Variants in TACC2 observed in about 807,000 individuals in gnomAD.
The protein encoded by TACC2 is transforming acidic coiled-coil-containing protein 2.
In TACC2, 137 loss-of-function variants were observed where a neutral mutation model predicts 227.3. The ratio of observed to expected loss-of-function variants is 0.60; its 90% CI spans 0.52 to 0.69. The LOEUF (loss-of-function observed/expected upper bound fraction) is 0.69, where lower values mean the gene tolerates loss of function less well. Among genes scored for constraint, TACC2 ranks in the 30% least tolerant of loss-of-function variants. TACC2 has a pLI of 0.00. For synonymous variants in TACC2, 1,523 were observed against 1,487.5 expected, an observed-to-expected ratio of 1.02 and a Z score of -0.55; for missense variants, 3,470 against 3,694.4, an observed-to-expected ratio of 0.94 and a Z score of 1.57.
chr10:122,070,753 C>CAA lies in TACC2; in HGVS notation c.147-11877_147-11876dup, dbSNP rs367744186. On this transcript the variant is annotated intron_variant, in intron 3 of 22. Coordinates refer to ENST00000369005, the MANE Select transcript of TACC2 (RefSeq NM_206862.4). ...GGGCAAGAAGAGCAAAATTCCGTCTCAAAAAAAAAAAAAAAAAAGAAATTA... is the reference window on the plus strand; with the variant it reads ...GGGCAAGAAGAGCAAAATTCCGTCTCAAAAAAAAAAAAAAAAAAAAGAAATTA... 3.7e-3 allele frequency among the ~76,000 whole-genome samples: 372 copies of CAA among 99,532 alleles called. 6 individuals carry two copies. Among genetic ancestry groups the CAA allele is most frequent in the South Asian group, 9.1e-3 (25 of 2,754 alleles). 65.3% of individuals were successfully genotyped at this position (99,532 alleles called of 152,430 possible).
chr10:121,990,596 C>T (rs1239197300), intron 1 of TACC2, among the ~76,000 whole-genome samples: 4 of 152,086 alleles, frequency 2.6e-5, no homozygotes, highest in Non-Finnish European at 4.4e-5. Flanking sequence ...CCAGGGTCTG[C>T]AGAGTCTTGT....
Position 122,194,935 on chromosome 10 carries a change from G to A in TACC2, c.5835-105G>A. On this transcript the variant is annotated intron_variant, in intron 7 of 22. Transcript: ENST00000369005. This position sits in a 1 kb window ranked among gnomAD's most constrained non-coding sequence, Gnocchi z 4.4. The stretch of plus-strand genomic sequence containing the variant: ...TCATCTGTCCCTGCACAGTTTAACT[G>A]AGCAGCGAGCCAGAACCCACTGGCT... The A allele has an allele frequency of 1.7e-6, 2 of 1,188,844 alleles. No homozygotes were observed. The highest frequency in any genetic ancestry group is 1.2e-6 in the Non-Finnish European group (1 of 835,470). The allele number at this position is 1,188,844 out of a possible 1,614,324, so 73.6% of individuals were successfully genotyped here.
chr10:122,005,382 CTT>C (rs1250192833), intron 1 of TACC2, among the ~76,000 whole-genome samples: 10 of 119,182 alleles, frequency 8.4e-5, no homozygotes, highest in Non-Finnish European at 1.2e-4. Context: ...CCACGCCCAG[CTT>C]TTTTTTTTTT....
At chr10:122,246,153 G>A (rs2096113363) in intron 19 of TACC2, among the ~76,000 whole-genome samples, 1 of 152,212 alleles carries the variant, frequency 6.6e-6, no homozygotes, top group South Asian at 2.1e-4. Flanking sequence ...TGTGACCTGT[G>A]CACGTTCTCT....
chr10:122,057,887 C>T (rs1340745050), intron 3 of TACC2, among the ~76,000 whole-genome samples: 1 of 152,130 alleles, frequency 6.6e-6, no homozygotes, highest in Non-Finnish European at 1.5e-5. Context: ...AGACAACCTT[C>T]CCGTACCTGC....
chr10:122,154,062 C>G (rs902074287), intron 7 of TACC2, among the ~76,000 whole-genome samples: 1 of 152,212 alleles, frequency 6.6e-6, no homozygotes, highest in Non-Finnish European at 1.5e-5. Flanking sequence ...TGGAAGGGCT[C>G]GTCCTAGGGA....
chr10:122,097,800 G>A (rs1469021554), intron 5 of TACC2, among the ~76,000 whole-genome samples: 2 of 152,084 alleles, frequency 1.3e-5, no homozygotes, highest in Non-Finnish European at 2.9e-5. Flanking sequence ...CGGCACACCC[G>A]ACACAAAGTC....
At chr10:122,124,063 C>T (rs566872863) in intron 5 of TACC2, among the ~76,000 whole-genome samples, 12 of 152,258 alleles carry the variant, frequency 7.9e-5, no homozygotes, top group Admixed American at 2.0e-4. Context: ...CTGCCCGCCA[C>T]GGCCTCCCAA....
chr10:122,156,499 C>G (rs965404144), intron 7 of TACC2, among the ~76,000 whole-genome samples: 2 of 152,220 alleles, frequency 1.3e-5, no homozygotes, highest in Non-Finnish European at 2.9e-5. Flanking sequence ...GCTGGGATTA[C>G]AGGCATGAGC....
chr10:122,243,155 G>A (rs1589902330), intron 19 of TACC2, among the ~76,000 whole-genome samples: 1 of 152,180 alleles, frequency 6.6e-6, no homozygotes, highest in East Asian at 1.9e-4. Context: ...TGTTGGCCAG[G>A]CTGATGTTGA....
At chr10:122,066,731 T>A (rs1174315708) in intron 3 of TACC2, among the ~76,000 whole-genome samples, 4 of 152,224 alleles carry the variant, frequency 2.6e-5, no homozygotes, top group Admixed American at 6.5e-5. Flanking sequence ...AACTGGAGTG[T>A]TTATAACATT....
At chr10:122,107,426 TA>T (rs1203072749) in intron 5 of TACC2, among the ~76,000 whole-genome samples, 4 of 151,928 alleles carry the variant, frequency 2.6e-5, no homozygotes, top group Non-Finnish European at 5.9e-5. Context: ...CCGTCTCTAC[TA>T]AAAATACAAA....
Position 122,211,293 on chromosome 10 carries a change from G to A in TACC2, c.6868G>A (p.Gly2290Ser), listed in dbSNP as rs1478746956. ...QENPPPTKKIGKKPVAKMPLR... is the reference protein window; with the variant it reads ...QENPPPTKKISKKPVAKMPLR... The stretch of plus-strand genomic sequence containing the variant: ...AAACCCCCCTCCTACCAAAAAGATA[G>A]GCAAAAAGCCAGTTGCCAAAATGCC... Residue 2290 changes from glycine (G) to serine (S), a missense_variant, in exon 9 of 23, where the codon GGC (glycine) becomes AGC (serine). Coordinates refer to ENST00000369005, the MANE Select transcript of TACC2 (RefSeq NM_206862.4). The A allele has an allele frequency of 1.9e-6, 3 of 1,613,976 alleles. No homozygotes were observed. Among genetic ancestry groups the A allele is most frequent in the Non-Finnish European group, 1.7e-6 (2 of 1,179,976 alleles).
chr10:122,155,127 A>G (rs2092377277), intron 7 of TACC2, among the ~76,000 whole-genome samples: 2 of 152,100 alleles, frequency 1.3e-5, no homozygotes, highest in Non-Finnish European at 2.9e-5. Flanking sequence ...GAAGTTCTGC[A>G]TTTGCTTTCT....
chr10:122,044,142 C>T (rs943644481), intron 2 of TACC2, among the ~76,000 whole-genome samples: 6 of 152,198 alleles, frequency 3.9e-5, no homozygotes, highest in South Asian at 4.1e-4. Context: ...TCTCGGGCTT[C>T]GAAGCTTATT....
chr10:122,215,708 C>T lies in TACC2; in HGVS notation c.7344+257C>T, dbSNP rs73357648. On this transcript the variant is annotated intron_variant, in intron 10 of 22. Transcript: ENST00000369005. ...TGGGCTCTGGAGGACCCACTCTGCTCCATTCAGGCCAGTTCATCTGCTGTG... is the reference window on the plus strand; with the variant it reads ...TGGGCTCTGGAGGACCCACTCTGCTTCATTCAGGCCAGTTCATCTGCTGTG... Among the ~76,000 whole-genome samples the T allele has an allele frequency of 6.6e-3, 1,009 of 152,268 alleles. 8 individuals are homozygous for T. The highest frequency in any genetic ancestry group is 0.022 in the African/African-American group (902 of 41,562).
At chr10:122,144,041 T>C (rs7902292) in intron 7 of TACC2, among the ~76,000 whole-genome samples, 101,723 of 152,042 alleles carry the variant, frequency 0.67, 36,808 homozygotes, top group Non-Finnish European at 0.81. Flanking sequence ...GGATTTATTT[T>C]AAGGGATTGG....
chr10:122,203,106 A>C (rs1593286348), intron 8 of TACC2, among the ~76,000 whole-genome samples: 1 of 152,068 alleles, frequency 6.6e-6, no homozygotes, highest in African/African-American at 2.4e-5. Context: ...TCTTTTCCCC[A>C]CCTTTCCCCT....
intron 5 of TACC2, among the ~76,000 whole-genome samples, chr10:122,096,462 C>A (rs753664155): frequency 2.6e-5 from 4 of 152,020 alleles, no homozygotes; most frequent in Non-Finnish European, 5.9e-5. Context: ...TTTGGGAGGC[C>A]GAGGCTGGTG....
Sources: gnomAD v4.1 joint callset for allele counts (sites outside exome capture counted in the v4.1 genomes callset) on GRCh38, gnomAD v4.1.1 for gene constraint, Gnocchi (gnomAD v3.1) non-coding constraint, MANE v1.5 for transcripts, NCBI Gene and HGNC (gene_info 2026-07-23, HGNC 2026-07-21) for gene names.